CYFIP1: variants seen among roughly 807,000 people sequenced by gnomAD.
CYFIP1 encodes the protein cytoplasmic FMR1-interacting protein 1.
In CYFIP1, 58 loss-of-function variants were observed where a neutral mutation model predicts 163.5. That is an observed-to-expected ratio of 0.35 (90% CI 0.29 to 0.44). The LOEUF is 0.44. Among genes scored for constraint, CYFIP1 ranks in the 20% least tolerant of loss-of-function variants. CYFIP1 has a pLI of 1.00. For synonymous variants in CYFIP1, 663 were observed against 660.7 expected (o/e 1.00, Z -0.05); for missense variants, 1,338 against 1,653.8 (o/e 0.81, Z 3.31).
intron 16 of CYFIP1, among the ~76,000 whole-genome samples, chr15:22,916,142 G>C (rs2060971332): frequency 6.6e-6 from 1 of 152,218 alleles, no homozygotes; most frequent in East Asian, 1.9e-4. Flanking sequence ...GTCATGGTCT[G>C]CAAGGGCCAT....
chr15:22,883,792 G>C (rs977504898), intron 23 of CYFIP1, among the ~76,000 whole-genome samples: 1 of 144,216 alleles, frequency 6.9e-6, no homozygotes, highest in Non-Finnish European at 1.5e-5. Context: ...ACTCCAGCCC[G>C]GGTGACAGAA....
chr15:22,875,443 C>T, intron 26 of CYFIP1, 172 bp from the exon 27 acceptor site: 1 of 661,158 alleles, frequency 1.5e-6, no homozygotes, highest in South Asian at 1.8e-5. Flanking sequence ...CTGTCCTGTC[C>T]ATTCCGGCAG....
In CYFIP1 at chr15:22,937,153, A is replaced by C. The variant is rs201320829; in HGVS notation, c.851T>G (p.Leu284Trp). Residue 284 changes from leucine (L) to tryptophan (W), a missense_variant, in exon 9 of 31, where the codon TTG (leucine) becomes TGG (tryptophan). Coordinates refer to ENST00000617928, the MANE Select transcript of CYFIP1 (RefSeq NM_014608.6). ...MDGSVSNIYK[L>W]DAKKRINLSK... ...TAAGTTTATTCTTTTCTTGGCATCC[A>C]ACTTATAGATGTTACTGACACTCCC... 6.2e-6 allele frequency: 10 copies of C among 1,613,690 alleles called. No individual in the cohort carries two copies. The highest frequency in any genetic ancestry group is 4.0e-5 in the African/African-American group (3 of 74,914).
chr15:22,921,185 T>C (rs905465503), intron 13 of CYFIP1, among the ~76,000 whole-genome samples: 1 of 151,610 alleles, frequency 6.6e-6, no homozygotes, highest in African/African-American at 2.4e-5. Flanking sequence ...CTGGCCAATA[T>C]GGTGAAACCC....
chr15:22,918,918 C>T, intron 13 of CYFIP1, 60 bp from the exon 14 acceptor site: 1 of 1,364,638 alleles, frequency 7.3e-7, no homozygotes, highest in Non-Finnish European at 1.0e-6. Flanking sequence ...GCCTCCTCTG[C>T]CTGGCACATG....
chr15:22,978,301 G>C (rs149226446), intron 1 of CYFIP1, among the ~76,000 whole-genome samples: 1 of 133,496 alleles, frequency 7.5e-6, no homozygotes, highest in African/African-American at 2.8e-5. Flanking sequence ...GTGGCGAGCC[G>C]AGTTTGCGTC....
At chr15:22,910,493 C>A (rs201021862) in intron 20 of CYFIP1, 27 bp downstream of exon 20, 1 of 1,583,174 alleles carries the variant, frequency 6.3e-7, no homozygotes, top group East Asian at 2.2e-5. Flanking sequence ...CACTCTACGT[C>A]CCCACCACAG....
chr15:22,886,572 C>T (rs564201619), intron 23 of CYFIP1, among the ~76,000 whole-genome samples: 7 of 152,086 alleles, frequency 4.6e-5, no homozygotes, highest in Admixed American at 3.9e-4. Flanking sequence ...TGCTAATTTC[C>T]GAGCATATAG....
In CYFIP1 at chr15:22,916,741, G is replaced by A. The variant is rs149345972; in HGVS notation, c.1675-111C>T. 4.9e-4 allele frequency: 795 copies of A among 1,612,444 alleles called. 2 individuals are homozygous for A. The highest frequency in any genetic ancestry group is 6.3e-4 in the Non-Finnish European group (745 of 1,179,090). On this transcript the variant is annotated intron_variant, in intron 15 of 30. Coordinates refer to ENST00000617928, the MANE Select transcript of CYFIP1 (RefSeq NM_014608.6). ...GACTGCTCCGCTACGCCCTGGTCGG[G>A]AGGGCCCCGCACCAGCTCCCCGAGG...
At chr15:22,939,844 C>G (rs1222368011) in intron 6 of CYFIP1, among the ~76,000 whole-genome samples, 1 of 152,138 alleles carries the variant, frequency 6.6e-6, no homozygotes, top group Non-Finnish European at 1.5e-5. Context: ...GGGCACAGGG[C>G]TCCTGGACCC....
chr15:22,874,453 A>T, intron 28 of CYFIP1, 97 bp downstream of exon 28: 2 of 842,946 alleles, frequency 2.4e-6, no homozygotes, highest in Non-Finnish European at 3.6e-6. Flanking sequence ...CAGCCGCTGG[A>T]CTTCACGATG....
At chr15:22,947,137 G>T (rs769466221) in intron 2 of CYFIP1, 32 bp downstream of exon 2, 17 of 1,614,038 alleles carry the variant, frequency 1.1e-5, no homozygotes, top group Non-Finnish European at 1.4e-5. Context: ...TCGGAGCACA[G>T]GCTGTACGCC....
At chr15:22,968,624 C>A (rs1398906931) in intron 1 of CYFIP1, among the ~76,000 whole-genome samples, 1 of 152,214 alleles carries the variant, frequency 6.6e-6, no homozygotes. Flanking sequence ...TCTACCACCT[C>A]CACACCCTGT....
chr15:22,919,349 GC>G (rs1302756462), intron 13 of CYFIP1, among the ~76,000 whole-genome samples: 5 of 152,180 alleles, frequency 3.3e-5, no homozygotes, highest in Admixed American at 6.5e-5. Flanking sequence ...GAAAAATGGT[GC>G]CAGGGCTCAT....
chr15:22,923,233 T>C (rs1566977133), intron 13 of CYFIP1, among the ~76,000 whole-genome samples: 1 of 152,136 alleles, frequency 6.6e-6, no homozygotes, highest in Non-Finnish European at 1.5e-5. Context: ...GGAACTGATA[T>C]TTAGAATGTA....
At position 22,867,382 on chromosome 15, in the gene CYFIP1, T is replaced by TGTAAGAAAGGTTTTG. The variant is rs1232695711; in HGVS notation, c.*2645_*2646insCAAAACCTTTCTTAC. 4 of 390,334 alleles carry TGTAAGAAAGGTTTTG rather than the reference T, an allele frequency of 1.0e-5. No homozygotes were observed. The highest frequency in any genetic ancestry group is 1.8e-5 in the Non-Finnish European group (4 of 221,670). The allele number at this position is 390,334 out of a possible 1,614,324, so 24.2% of individuals were successfully genotyped here. On this transcript the variant is annotated 3_prime_UTR_variant, in exon 31 of 31. Transcript: ENST00000617928. Reference sequence around the variant, plus strand: ...GTTACTGAATGAAGGAACCTCTTTCTTACAAAACAAAAAAAAGGGCAGAAA... The same window carrying TGTAAGAAAGGTTTTG: ...GTTACTGAATGAAGGAACCTCTTTCTGTAAGAAAGGTTTTGTACAAAACAAAAAAAAGGGCAGAAA...
intron 9 of CYFIP1, among the ~76,000 whole-genome samples, chr15:22,936,412 G>A (rs2061711870): frequency 6.6e-6 from 1 of 152,156 alleles, no homozygotes; most frequent in South Asian, 2.1e-4. Context: ...AAACATGAAC[G>A]AAACACTAGC....
At chr15:22,937,512 T>C (rs2061748480) in intron 8 of CYFIP1, among the ~76,000 whole-genome samples, 2 of 152,058 alleles carry the variant, frequency 1.3e-5, no homozygotes, top group Admixed American at 6.6e-5. Flanking sequence ...CAAAAGTAAT[T>C]GCGTTTTTTT....
At chr15:22,941,229 T>A (rs1210776275) in intron 6 of CYFIP1, among the ~76,000 whole-genome samples, 1 of 144,732 alleles carries the variant, frequency 6.9e-6, no homozygotes, top group African/African-American at 2.6e-5. Context: ...CTAGTTTTTT[T>A]TGCTCTTGTT....
Sources: allele counts gnomAD v4.1 joint callset (sites outside exome capture counted in the v4.1 genomes callset), GRCh38; gene constraint gnomAD v4.1.1; transcripts MANE v1.5; gene names NCBI Gene and HGNC (gene_info 2026-07-23, HGNC 2026-07-21).